KIZ: variants seen among roughly 807,000 people sequenced by gnomAD.
KIZ encodes the protein centrosomal protein kizuna.
In KIZ, 68 loss-of-function variants were observed where a neutral mutation model predicts 79.6. The observed-to-expected ratio is 0.85, with a 90% CI of 0.70 to 1.05. The LOEUF (loss-of-function observed/expected upper bound fraction) is 1.05. Ranked by LOEUF, KIZ falls within the 50% of genes least tolerant of loss-of-function variation. The probability of loss-of-function intolerance (pLI) is 0.00; values close to 1 mark genes in which losing one functional copy is unlikely to be tolerated. For missense variants in KIZ, 797 were observed against 800.4 expected (o/e 1.00, Z 0.05); for synonymous variants, 280 against 281.8 (o/e 0.99, Z 0.06).
At chr20:21,206,874 A>G (rs2035848916) in intron 7 of KIZ, among the ~76,000 whole-genome samples, 3 of 152,290 alleles carry the variant, frequency 2.0e-5, no homozygotes, top group Non-Finnish European at 1.5e-5. Flanking sequence ...GAAAATGGAA[A>G]TGGATGGAGC....
At chr20:21,151,756 C>G (rs146710486) in intron 4 of KIZ, 1 of 152,298 alleles carries the variant, frequency 6.6e-6, no homozygotes, top group East Asian at 1.9e-4. Context: ...GGAAAAGAAT[C>G]TGGTAGTAAC....
intron 6 of KIZ, among the ~76,000 whole-genome samples, chr20:21,166,777 G>A (rs554206299): frequency 2.0e-5 from 3 of 152,128 alleles, no homozygotes; most frequent in Non-Finnish European, 4.4e-5. Context: ...ATTTTTAGTA[G>A]AGACCCGGTT....
intron 1 of KIZ, 38 bp downstream of exon 1, chr20:21,126,242 G>T (rs761910040): frequency 2.3e-6 from 3 of 1,303,090 alleles, no homozygotes; most frequent in South Asian, 1.7e-5. Flanking sequence ...GTCGGCCCGC[G>T]CCGGGGGTCT....
intron 7 of KIZ, among the ~76,000 whole-genome samples, chr20:21,210,636 G>A (rs962910453): frequency 6.6e-6 from 1 of 152,136 alleles, no homozygotes; most frequent in Non-Finnish European, 1.5e-5. Context: ...TAGGTCAAAA[G>A]GTGGGTATAT....
chr20:21,156,376 T>C (rs1251731539), intron 4 of KIZ, among the ~76,000 whole-genome samples: 3 of 152,214 alleles, frequency 2.0e-5, no homozygotes, highest in Non-Finnish European at 4.4e-5. Flanking sequence ...TAGAATGGTA[T>C]TACATTGTTA....
At chr20:21,153,960 G>A (rs1300631603) in intron 4 of KIZ, 1 of 152,144 alleles carries the variant, frequency 6.6e-6, no homozygotes, top group Non-Finnish European at 1.5e-5. Context: ...ACAATTCAGT[G>A]TGTGATACGT....
At chr20:21,161,081 A>C (rs533569906) in intron 4 of KIZ, 1 of 152,376 alleles carries the variant, frequency 6.6e-6, no homozygotes, top group East Asian at 1.9e-4. Flanking sequence ...TCTCTAATGA[A>C]TAATGATATT....
intron 9 of KIZ, among the ~76,000 whole-genome samples, chr20:21,228,610 A>C (rs2036730079): frequency 6.6e-6 from 1 of 152,038 alleles, no homozygotes; most frequent in Non-Finnish European, 1.5e-5. Context: ...CCTGCACTTG[A>C]GTGTGAGAGC....
chr20:21,130,830 C>CT (rs577601422), intron 1 of KIZ, among the ~76,000 whole-genome samples: 195 of 151,910 alleles, frequency 1.3e-3, no homozygotes, highest in Non-Finnish European at 2.2e-3. Context: ...TTGGGATGAT[C>CT]TTTTTTTTAA....
chr20:21,127,893 A>G (rs1400588556), intron 1 of KIZ, among the ~76,000 whole-genome samples: 2 of 152,252 alleles, frequency 1.3e-5, no homozygotes, highest in African/African-American at 4.8e-5. Flanking sequence ...TCTCTTTGCT[A>G]GAATAATGGG....
chr20:21,200,918 G>A (rs553056293), intron 6 of KIZ, among the ~76,000 whole-genome samples: 5 of 152,278 alleles, frequency 3.3e-5, no homozygotes, highest in South Asian at 4.1e-4. Context: ...GGTGGCTAAC[G>A]CCTGTAATAC....
At chr20:21,171,239 G>A (rs544865451) in intron 6 of KIZ, among the ~76,000 whole-genome samples, 4 of 152,238 alleles carry the variant, frequency 2.6e-5, no homozygotes, top group African/African-American at 9.6e-5. Context: ...TCTTTGATGA[G>A]ATGTCTGTTC....
intron 6 of KIZ, among the ~76,000 whole-genome samples, chr20:21,189,763 G>A (rs1256834229): frequency 1.3e-5 from 2 of 152,150 alleles, no homozygotes; most frequent in Admixed American, 6.5e-5. Flanking sequence ...AAGAGAAGGA[G>A]CCCTTGTTTC....
intron 6 of KIZ, among the ~76,000 whole-genome samples, chr20:21,199,620 C>T (rs6137287): frequency 0.21 from 32,535 of 152,122 alleles, 4,170 homozygotes; most frequent in East Asian, 0.32. Context: ...GGCTGCCCCG[C>T]TGCCCTCCTT....
chr20:21,241,516 G>T (rs1056021442), intron 11 of KIZ, among the ~76,000 whole-genome samples: 1 of 152,174 alleles, frequency 6.6e-6, no homozygotes, highest in African/African-American at 2.4e-5. Flanking sequence ...CATTTCACTA[G>T]GATGTTTACT....
At chr20:21,142,027 T>C (rs1326448846) in intron 3 of KIZ, among the ~76,000 whole-genome samples, 1 of 151,058 alleles carries the variant, frequency 6.6e-6, no homozygotes, top group Non-Finnish European at 1.5e-5. Context: ...CCAGATCCTC[T>C]AACTCTTCCA....
intron 1 of KIZ, among the ~76,000 whole-genome samples, chr20:21,128,143 G>C (rs1242733423): frequency 3.9e-5 from 6 of 152,086 alleles, no homozygotes; most frequent in Non-Finnish European, 7.4e-5. Flanking sequence ...CTCCCTAGTA[G>C]CTGGGATTAC....
At chr20:21,235,229 T>C (rs1381887466) in intron 11 of KIZ, among the ~76,000 whole-genome samples, 2 of 152,164 alleles carry the variant, frequency 1.3e-5, no homozygotes, top group Non-Finnish European at 2.9e-5. Context: ...CTCATTTCAT[T>C]GTGATGGTGG....
chr20:21,229,253 AC>A lies in KIZ; in HGVS notation c.1783+139del, dbSNP rs551640997. On this transcript the variant is annotated intron_variant, in intron 10 of 12. Coordinates refer to ENST00000619189, the MANE Select transcript of KIZ (RefSeq NM_018474.6). ...TGTCACCAGGACAGAATGAGCTAGTACTTTTTTATCCTTAGCAAATGGACAT... is the reference window on the plus strand; with the variant it reads ...TGTCACCAGGACAGAATGAGCTAGTATTTTTTATCCTTAGCAAATGGACAT... 119 of 590,302 alleles carry A rather than the reference AC, an allele frequency of 2.0e-4. No homozygotes were observed. In the South Asian group the frequency reaches 2.7e-3, roughly 13 times the overall value. The allele number at this position is 590,302 out of a possible 1,614,324, so 36.6% of individuals were successfully genotyped here. A position where few individuals can be genotyped will look rare whatever the true frequency, so the allele number is the denominator to read the frequency against.
Sources: gnomAD v4.1 joint callset for allele counts (sites outside exome capture counted in the v4.1 genomes callset) on GRCh38, gnomAD v4.1.1 for gene constraint, MANE v1.5 for transcripts, NCBI Gene and HGNC (gene_info 2026-07-23, HGNC 2026-07-21) for gene names.